The following CACNA2D3 variants were observed in gnomAD, a reference collection of about 807,000 sequenced individuals.
The protein encoded by CACNA2D3 is calcium voltage-gated channel auxiliary subunit alpha2delta 3.
CACNA2D3 carries 60 observed loss-of-function variants against 160.6 expected under a neutral mutation model. The observed-to-expected ratio is 0.37, with a 90% CI of 0.30 to 0.46. The LOEUF (loss-of-function observed/expected upper bound fraction) is 0.46. Ranked by LOEUF, CACNA2D3 falls within the 20% of genes least tolerant of loss-of-function variation. The pLI, the probability that CACNA2D3 is intolerant of heterozygous loss-of-function variation, is 1.00. For synonymous variants in CACNA2D3, 558 were observed against 492.9 expected, an observed-to-expected ratio of 1.13 and a Z score of -1.75; for missense variants, 1,205 against 1,365.0, an observed-to-expected ratio of 0.88 and a Z score of 1.85.
At chr3:54,736,124 TATATATGTATATATATACACAC>T (rs1559563829) in intron 11 of CACNA2D3, among the ~76,000 whole-genome samples, 10 of 88,124 alleles carry the variant, frequency 1.1e-4, no homozygotes, top group South Asian at 3.0e-4. Context: ...TATATACATA[TATATATGTATATATATACACAC>T]ACACACACAC....
chr3:54,351,754 G>C (rs991119360), intron 3 of CACNA2D3, among the ~76,000 whole-genome samples: 1 of 152,194 alleles, frequency 6.6e-6, no homozygotes, highest in Non-Finnish European at 1.5e-5. Context: ...GCTGTGCCCT[G>C]TTGTCAGGTA....
Position 54,768,027 on chromosome 3 carries a change from A to G in CACNA2D3, c.1380+3676A>G, listed in dbSNP as rs537330683. ...GGAGTGATGGAGTTGGAAAATCACTATTTTGCAACCATTTTGGTAAAGACC... is the reference window on the plus strand; with the variant it reads ...GGAGTGATGGAGTTGGAAAATCACTGTTTTGCAACCATTTTGGTAAAGACC... On this transcript the variant is annotated intron_variant, in intron 13 of 37. Coordinates refer to ENST00000474759, the MANE Select transcript of CACNA2D3 (RefSeq NM_018398.3). Among the ~76,000 whole-genome samples, 10 of 152,250 alleles carry G rather than the reference A, an allele frequency of 6.6e-5. No individual in the cohort carries two copies. In the South Asian group the frequency reaches 1.5e-3, roughly 22 times the overall value.
At chr3:54,169,913 C>T (rs183784228) in intron 2 of CACNA2D3, among the ~76,000 whole-genome samples, 17 of 152,158 alleles carry the variant, frequency 1.1e-4, no homozygotes, top group Admixed American at 9.8e-4. Flanking sequence ...AATGGCCGAG[C>T]GTGGTGGCTC....
intron 4 of CACNA2D3, among the ~76,000 whole-genome samples, chr3:54,439,993 C>T (rs779466395): frequency 1.3e-5 from 2 of 152,134 alleles, no homozygotes; most frequent in Non-Finnish European, 2.9e-5. Context: ...AGGTGTTACT[C>T]TGACGTTGCC....
intron 2 of CACNA2D3, among the ~76,000 whole-genome samples, chr3:54,267,783 G>T (rs1249678871): frequency 6.6e-6 from 1 of 152,104 alleles, no homozygotes; most frequent in Non-Finnish European, 1.5e-5. Flanking sequence ...TGTGGGACAG[G>T]ATATTCTAAG....
intron 4 of CACNA2D3, among the ~76,000 whole-genome samples, chr3:54,466,034 A>G (rs754454792): frequency 1.3e-5 from 2 of 152,016 alleles, no homozygotes; most frequent in South Asian, 2.1e-4. Context: ...AAAACCACCA[A>G]CCGTGTGTTG....
chr3:54,885,786 T>A (rs1182445662), intron 23 of CACNA2D3, among the ~76,000 whole-genome samples, 200 bp downstream of exon 23: 2 of 152,186 alleles, frequency 1.3e-5, no homozygotes, highest in African/African-American at 4.8e-5. Flanking sequence ...GAATCCCCAA[T>A]CCTGGTTTAG....
At chr3:54,574,508 A>G (rs1211103859) in intron 8 of CACNA2D3, among the ~76,000 whole-genome samples, 2 of 152,262 alleles carry the variant, frequency 1.3e-5, no homozygotes, top group East Asian at 3.8e-4. Flanking sequence ...TACAAGATCT[A>G]TCTAAAATGG....
intron 5 of CACNA2D3, among the ~76,000 whole-genome samples, chr3:54,541,016 G>A (rs142397876): frequency 5.1e-4 from 77 of 152,182 alleles, no homozygotes; most frequent in African/African-American, 1.5e-3. Context: ...GGTGGCTCAC[G>A]CCTGTAATCC....
At chr3:55,059,211 C>T (rs1704440243) in intron 35 of CACNA2D3, among the ~76,000 whole-genome samples, 1 of 152,136 alleles carries the variant, frequency 6.6e-6, no homozygotes, top group Non-Finnish European at 1.5e-5. Context: ...ATGAACCCAA[C>T]AATTCACATG....
intron 2 of CACNA2D3, among the ~76,000 whole-genome samples, chr3:54,312,511 AC>A (rs1323029583): frequency 6.6e-6 from 1 of 152,148 alleles, no homozygotes; most frequent in Non-Finnish European, 1.5e-5. Context: ...TAGGCGACTC[AC>A]TTTTAGATAC....
At chr3:54,776,943 G>A (rs898363310) in intron 13 of CACNA2D3, among the ~76,000 whole-genome samples, 5 of 152,154 alleles carry the variant, frequency 3.3e-5, no homozygotes, top group Non-Finnish European at 5.9e-5. Flanking sequence ...CCCACTTCAT[G>A]GCCCAGATAT....
At chr3:54,291,357 T>G (rs1703199978) in intron 2 of CACNA2D3, among the ~76,000 whole-genome samples, 1 of 152,216 alleles carries the variant, frequency 6.6e-6, no homozygotes, top group Non-Finnish European at 1.5e-5. Context: ...CATATGTAAA[T>G]ATTGTCTAAA....
chr3:54,694,307 G>T (rs1409310032), intron 11 of CACNA2D3, among the ~76,000 whole-genome samples: 1 of 152,184 alleles, frequency 6.6e-6, no homozygotes, highest in Non-Finnish European at 1.5e-5. Flanking sequence ...TATAGCCTTG[G>T]TGTGTAGTAG....
At chr3:54,858,471 G>GA (rs1259277538) in intron 17 of CACNA2D3, among the ~76,000 whole-genome samples, 2 of 152,186 alleles carry the variant, frequency 1.3e-5, no homozygotes, top group East Asian at 3.8e-4. Context: ...CTGCTGGGGG[G>GA]AGAGAGTTAT....
chr3:54,670,200 C>A (rs1038372554), intron 11 of CACNA2D3, among the ~76,000 whole-genome samples: 1 of 152,112 alleles, frequency 6.6e-6, no homozygotes, highest in African/African-American at 2.4e-5. Context: ...ATACATTTTC[C>A]TATTCTCTCC....
At chr3:54,998,756 T>C (rs1306345180) in intron 31 of CACNA2D3, among the ~76,000 whole-genome samples, 2 of 144,070 alleles carry the variant, frequency 1.4e-5, no homozygotes, top group African/African-American at 2.5e-5. Flanking sequence ...TTGTTTTGTT[T>C]TGTTTTTTGA....
At chr3:54,768,612 C>A (rs1197090733) in intron 13 of CACNA2D3, among the ~76,000 whole-genome samples, 1 of 152,160 alleles carries the variant, frequency 6.6e-6, no homozygotes, top group Non-Finnish European at 1.5e-5. Flanking sequence ...TCTCTGAAGT[C>A]TTTTGCTTTA....
chr3:54,633,165 G>A (rs1274868210), intron 10 of CACNA2D3, among the ~76,000 whole-genome samples: 1 of 152,194 alleles, frequency 6.6e-6, no homozygotes, highest in Admixed American at 6.5e-5. Flanking sequence ...AGTAGAGGCA[G>A]GAGGAGGAGA....
Sources: allele counts gnomAD v4.1 joint callset (sites outside exome capture counted in the v4.1 genomes callset), GRCh38; gene constraint gnomAD v4.1.1; transcripts MANE v1.5; gene names NCBI Gene and HGNC (gene_info 2026-07-23, HGNC 2026-07-21).